Variants in CNTN1 observed in about 807,000 individuals in gnomAD.
CNTN1 encodes the protein contactin-1.
CNTN1 carries 38 observed loss-of-function variants against 126.4 expected under a neutral mutation model. That is an observed-to-expected ratio of 0.30 (90% confidence interval 0.23 to 0.39). The LOEUF (loss-of-function observed/expected upper bound fraction) is 0.39. CNTN1 is among the 10% of genes least tolerant of loss of function. The pLI is 1.00. For synonymous variants in CNTN1, 413 were observed against 422.6 expected (o/e 0.98, Z 0.28); for missense variants, 1,009 against 1,248.4 (o/e 0.81, Z 2.89).
At chr12:40,860,730 C>T (rs1015059837) in intron 1 of CNTN1, among the ~76,000 whole-genome samples, 1 of 152,120 alleles carries the variant, frequency 6.6e-6, no homozygotes, top group Non-Finnish European at 1.5e-5. Context: ...CTCCCAGTAA[C>T]TCCATGTGTT....
chr12:40,721,696 C>T (rs1942219443), intron 1 of CNTN1, among the ~76,000 whole-genome samples: 1 of 93,964 alleles, frequency 1.1e-5, no homozygotes, highest in Non-Finnish European at 2.1e-5. Context: ...TGCTATCCCT[C>T]CCCCCTCCCC....
chr12:40,719,483 A>G (rs1942137045), intron 1 of CNTN1, among the ~76,000 whole-genome samples: 1 of 152,250 alleles, frequency 6.6e-6, no homozygotes, highest in Admixed American at 6.5e-5. Flanking sequence ...TCGGGCTTAT[A>G]AAAGAGTTAC....
intron 23 of CNTN1, among the ~76,000 whole-genome samples, chr12:41,064,604 G>T (rs1950010877): frequency 6.6e-6 from 1 of 152,202 alleles, no homozygotes. Flanking sequence ...TCCATGGGGT[G>T]ATAGAGTTGC....
At chr12:41,054,507 C>T (rs1453811919) in intron 23 of CNTN1, among the ~76,000 whole-genome samples, 3 of 151,968 alleles carry the variant, frequency 2.0e-5, no homozygotes, top group African/African-American at 4.8e-5. Flanking sequence ...ATTCTCTCCT[C>T]ATTTTAAACA....
At chr12:41,048,157 C>A (rs528879086) in intron 23 of CNTN1, among the ~76,000 whole-genome samples, 1 of 152,284 alleles carries the variant, frequency 6.6e-6, no homozygotes, top group South Asian at 2.1e-4. Context: ...CCTACACTTT[C>A]ATGGCTAAAG....
At chr12:40,940,543 A>G (rs909452597) in intron 12 of CNTN1, among the ~76,000 whole-genome samples, 3 of 152,194 alleles carry the variant, frequency 2.0e-5, no homozygotes, top group African/African-American at 7.2e-5. Flanking sequence ...ATTATCATCC[A>G]TATTTTGATG....
At chr12:40,961,205 A>G (rs996054500) in intron 15 of CNTN1, among the ~76,000 whole-genome samples, 4 of 152,070 alleles carry the variant, frequency 2.6e-5, no homozygotes, top group Non-Finnish European at 4.4e-5. Flanking sequence ...ATACAGGTAC[A>G]TGAAAATACT....
intron 1 of CNTN1, among the ~76,000 whole-genome samples, chr12:40,808,067 C>A (rs117756741): frequency 0.019 from 2,855 of 152,210 alleles, 47 homozygotes; most frequent in Admixed American, 0.031. Flanking sequence ...AAGTACAGAT[C>A]TTTTGGAATA....
chr12:40,855,490 T>C (rs1375260139), intron 1 of CNTN1, among the ~76,000 whole-genome samples: 1 of 152,106 alleles, frequency 6.6e-6, no homozygotes, highest in Non-Finnish European at 1.5e-5. Context: ...TTTCACTCTT[T>C]TATTATATAT....
chr12:40,726,683 A>C (rs1942359056), intron 1 of CNTN1, among the ~76,000 whole-genome samples: 2 of 152,180 alleles, frequency 1.3e-5, no homozygotes, highest in African/African-American at 4.8e-5. Context: ...TTAAGGGATA[A>C]TTCAACAATT....
intron 15 of CNTN1, among the ~76,000 whole-genome samples, chr12:40,976,650 T>C (rs979758584): frequency 4.6e-5 from 7 of 152,158 alleles, no homozygotes; most frequent in South Asian, 2.1e-4. Context: ...TGCCTTCCTT[T>C]GTGCTGAGAA....
chr12:41,045,380 A>T (rs1406311363), intron 23 of CNTN1, among the ~76,000 whole-genome samples: 2 of 152,268 alleles, frequency 1.3e-5, no homozygotes, highest in East Asian at 3.9e-4. Flanking sequence ...CTGTTCTGAG[A>T]AAGGGAGTTG....
chr12:40,910,503 C>A (rs1286820704), intron 3 of CNTN1, among the ~76,000 whole-genome samples: 1 of 152,096 alleles, frequency 6.6e-6, no homozygotes, highest in East Asian at 1.9e-4. Context: ...AGATTCAGTT[C>A]AATTAAAAGT....
chr12:40,739,220 A>G (rs964299057), intron 1 of CNTN1, among the ~76,000 whole-genome samples: 1 of 152,056 alleles, frequency 6.6e-6, no homozygotes, highest in African/African-American at 2.4e-5. Context: ...TCTTGTTTGT[A>G]GTAATGAAAA....
chr12:40,865,742 A>T (rs1262260524), intron 1 of CNTN1, among the ~76,000 whole-genome samples: 1 of 151,978 alleles, frequency 6.6e-6, no homozygotes, highest in African/African-American at 2.4e-5. Flanking sequence ...GTGAATTTGA[A>T]ATTTAGAACT....
intron 1 of CNTN1, among the ~76,000 whole-genome samples, chr12:40,854,739 A>G (rs1330715110): frequency 6.6e-6 from 1 of 152,158 alleles, no homozygotes. Flanking sequence ...GCCAAGGAAC[A>G]TATTCTAAAG....
intron 23 of CNTN1, chr12:41,061,736 T>C: frequency 2.2e-6 from 1 of 451,494 alleles, no homozygotes; most frequent in Non-Finnish European, 4.4e-6. Context: ...TTAAAACTTA[T>C]AACATTAAAC....
chr12:41,005,816 C>T (rs1028411795), intron 17 of CNTN1, among the ~76,000 whole-genome samples: 6 of 151,944 alleles, frequency 3.9e-5, no homozygotes, highest in African/African-American at 1.5e-4. Context: ...CTGTCAGTTC[C>T]TTCATTGTTT....
chr12:40,750,483 T>G (rs773207261), intron 1 of CNTN1, among the ~76,000 whole-genome samples: 34 of 152,022 alleles, frequency 2.2e-4, no homozygotes, highest in South Asian at 1.0e-3. Flanking sequence ...TCTCTTTTGA[T>G]TGCGTTTTTT....
Sources: allele counts gnomAD v4.1 joint callset (sites outside exome capture counted in the v4.1 genomes callset), GRCh38; gene constraint gnomAD v4.1.1; transcripts MANE v1.5; gene names NCBI Gene and HGNC (gene_info 2026-07-23, HGNC 2026-07-21).